The following EVL variants were observed in gnomAD, a reference collection of about 807,000 sequenced individuals.
EVL encodes the protein Enah/Vasp-like, also known as ena/VASP-like protein.
EVL carries 21 observed loss-of-function variants against 59.6 expected under a neutral mutation model. That is an observed-to-expected ratio of 0.35 (90% CI 0.25 to 0.51). The LOEUF (loss-of-function observed/expected upper bound fraction) is 0.51. Ranked by LOEUF, EVL falls within the 20% of genes least tolerant of loss-of-function variation. The probability of loss-of-function intolerance (pLI) is 0.97; values close to 1 mark genes in which losing one functional copy is unlikely to be tolerated. For synonymous variants in EVL, 198 were observed against 203.5 expected, an observed-to-expected ratio of 0.97 and a Z score of 0.23; for missense variants, 462 against 546.6, an observed-to-expected ratio of 0.85 and a Z score of 1.54.
chr14:99,992,300 G>A (rs1030174448), intron 1 of EVL, among the ~76,000 whole-genome samples: 48 of 151,950 alleles, frequency 3.2e-4, no homozygotes, highest in African/African-American at 1.0e-3. Context: ...TAAATGGGTC[G>A]TTTTTTTCAT....
At chr14:100,071,852 G>A (rs1000074401) in intron 1 of EVL, among the ~76,000 whole-genome samples, 6 of 152,142 alleles carry the variant, frequency 3.9e-5, no homozygotes, top group Admixed American at 1.3e-4. Context: ...TGGTGGGATC[G>A]TGGGAACCTA....
At chr14:100,037,994 A>C (rs553141096) in intron 1 of EVL, among the ~76,000 whole-genome samples, 1 of 152,336 alleles carries the variant, frequency 6.6e-6, no homozygotes, top group African/African-American at 2.4e-5. Context: ...AGACAGGGTC[A>C]GAGCTTGGTT....
At chr14:100,117,435 CTG>C (rs1887423674) in intron 3 of EVL, among the ~76,000 whole-genome samples, 1 of 152,244 alleles carries the variant, frequency 6.6e-6, no homozygotes, top group African/African-American at 2.4e-5. Context: ...CTCCCTGTCT[CTG>C]TGCCCCGCTT....
intron 1 of EVL, among the ~76,000 whole-genome samples, chr14:100,055,393 C>G (rs2061712675): frequency 6.6e-6 from 1 of 152,154 alleles, no homozygotes; most frequent in Non-Finnish European, 1.5e-5. Context: ...CAGTTGGATG[C>G]TCCCACTTGC....
At chr14:100,078,966 G>A (rs897414401) in intron 1 of EVL, among the ~76,000 whole-genome samples, 7 of 152,212 alleles carry the variant, frequency 4.6e-5, no homozygotes, top group African/African-American at 1.7e-4. Context: ...CCCAGGGAGA[G>A]AGAGTGAGGC....
chr14:100,126,671 G>C, intron 4 of EVL, 36 bp from the exon 5 acceptor site: 1 of 1,611,958 alleles, frequency 6.2e-7, no homozygotes, highest in Non-Finnish European at 8.5e-7. Flanking sequence ...CTCCAGAGTG[G>C]AGGAGTCAGA....
At chr14:99,995,721 A>G (rs1388161644) in intron 1 of EVL, among the ~76,000 whole-genome samples, 1 of 152,156 alleles carries the variant, frequency 6.6e-6, no homozygotes, top group African/African-American at 2.4e-5. Context: ...CAGTCCTTAC[A>G]ATCTGGCTTT....
At chr14:100,135,812 T>A (rs1278929374) in intron 8 of EVL, 93 bp from the exon 9 acceptor site, 1 of 1,129,222 alleles carries the variant, frequency 8.9e-7, no homozygotes, top group Non-Finnish European at 1.3e-6. Context: ...ATTGGGAACA[T>A]TTGGAAAACT....
intron 2 of EVL, among the ~76,000 whole-genome samples, chr14:100,085,533 T>C (rs1356504650): frequency 6.6e-6 from 1 of 152,186 alleles, no homozygotes; most frequent in Non-Finnish European, 1.5e-5. Flanking sequence ...TTCTTATAGA[T>C]TGACAAGAGC....
intron 3 of EVL, among the ~76,000 whole-genome samples, chr14:100,101,908 G>A (rs1053367429): frequency 1.1e-4 from 16 of 152,234 alleles, no homozygotes; most frequent in Non-Finnish European, 1.9e-4. Flanking sequence ...GCACTATCTC[G>A]GCTTATTGCA....
chr14:100,047,114 C>CTTTTTTTTTTTTTTT (rs1379774654), intron 1 of EVL, among the ~76,000 whole-genome samples: 1,139 of 95,074 alleles, frequency 0.012, 313 homozygotes, highest in South Asian at 0.03. Context: ...GCAGATCTCT[C>CTTTTTTTTTTTTTTT]TCTCTTTTTT....
At chr14:100,076,803 G>C (rs1258275127) in intron 1 of EVL, among the ~76,000 whole-genome samples, 1 of 152,158 alleles carries the variant, frequency 6.6e-6, no homozygotes, top group Non-Finnish European at 1.5e-5. Flanking sequence ...GTCGGCTGTG[G>C]ACACTTTGGC....
At chr14:100,066,649 CA>C (rs2061935538) in intron 1 of EVL, among the ~76,000 whole-genome samples, 1 of 152,160 alleles carries the variant, frequency 6.6e-6, no homozygotes, top group African/African-American at 2.4e-5. Flanking sequence ...ATTTCAAAGG[CA>C]TATCAACTTC....
At chr14:99,991,088 C>A (rs2060873059) in intron 1 of EVL, among the ~76,000 whole-genome samples, 1 of 152,052 alleles carries the variant, frequency 6.6e-6, no homozygotes, top group Non-Finnish European at 1.5e-5. Flanking sequence ...ACTGCCACCC[C>A]CTGAGGCAGC....
chr14:100,101,936 C>G (rs184024798), intron 3 of EVL, among the ~76,000 whole-genome samples: 40 of 152,250 alleles, frequency 2.6e-4, no homozygotes, highest in African/African-American at 7.7e-4. Context: ...CCTCCTGGTT[C>G]AAGTGATTCC....
intron 1 of EVL, among the ~76,000 whole-genome samples, chr14:100,072,205 A>G (rs1252035998): frequency 6.6e-6 from 1 of 152,188 alleles, no homozygotes; most frequent in Non-Finnish European, 1.5e-5. Flanking sequence ...AAAATCAGAA[A>G]CATTTTGTAA....
At chr14:100,083,051 A>C (rs2140299214) in intron 1 of EVL, among the ~76,000 whole-genome samples, 1 of 152,316 alleles carries the variant, frequency 6.6e-6, no homozygotes, top group Admixed American at 6.5e-5. Flanking sequence ...ACCTTCCCAG[A>C]GTGCTCCCCC....
At chr14:99,974,353 G>T (rs556897342) in intron 1 of EVL, 1 of 152,536 alleles carries the variant, frequency 6.6e-6, no homozygotes, top group South Asian at 2.1e-4. Flanking sequence ...GCTGGAGCCT[G>T]GGTTCTCTGC....
chr14:100,073,487 A>G (rs887859071), intron 1 of EVL, among the ~76,000 whole-genome samples: 3 of 151,892 alleles, frequency 2.0e-5, no homozygotes. Context: ...ATGCGTGGCT[A>G]ACACTTTTTT....
Sources: gnomAD v4.1 joint callset for allele counts (sites outside exome capture counted in the v4.1 genomes callset) on GRCh38, gnomAD v4.1.1 for gene constraint, MANE v1.5 for transcripts, NCBI Gene and HGNC (gene_info 2026-07-23, HGNC 2026-07-21) for gene names.